The following DNM2 variants were observed in gnomAD, a reference collection of about 807,000 sequenced individuals.
The protein encoded by DNM2 is dynamin 2, also known as dynamin-2.
A neutral mutation model predicts 99.0 loss-of-function variants in DNM2; 15 were observed. That is an observed-to-expected ratio of 0.15 (90% CI 0.10 to 0.23). The LOEUF (loss-of-function observed/expected upper bound fraction) is 0.23, where lower values mean the gene tolerates loss of function less well. Ranked by LOEUF, DNM2 falls within the 10% of genes least tolerant of loss-of-function variation. The pLI, the probability that DNM2 is intolerant of heterozygous loss-of-function variation, is 1.00. For missense variants in DNM2, 742 were observed against 1,189.4 expected, an observed-to-expected ratio of 0.62 and a Z score of 5.53; for synonymous variants, 525 against 481.2, an observed-to-expected ratio of 1.09 and a Z score of -1.19.
chr19:10,732,397 G>A (rs1429588667), intron 1 of DNM2, among the ~76,000 whole-genome samples: 1 of 149,780 alleles, frequency 6.7e-6, no homozygotes, highest in Non-Finnish European at 1.5e-5. Context: ...TCAGGAGATT[G>A]AGACCATCCT....
chr19:10,754,561 A>C (rs898820649), intron 1 of DNM2, among the ~76,000 whole-genome samples: 1 of 151,284 alleles, frequency 6.6e-6, no homozygotes, highest in East Asian at 1.9e-4. Flanking sequence ...AATCGCATAA[A>C]TCTTAAACAT....
At chr19:10,797,640 A>T in intron 10 of DNM2, 122 bp downstream of exon 10, 1 of 1,483,428 alleles carries the variant, frequency 6.7e-7, no homozygotes, top group South Asian at 1.2e-5. Flanking sequence ...ACCAGTTGTC[A>T]CTTAGAGATG....
At chr19:10,743,843 C>A (rs184432990) in intron 1 of DNM2, among the ~76,000 whole-genome samples, 11,830 of 139,372 alleles carry the variant, frequency 0.085, 929 homozygotes, top group East Asian at 0.34. Context: ...AAAAATTAGC[C>A]GTGTGTGGTG....
intron 1 of DNM2, among the ~76,000 whole-genome samples, chr19:10,723,557 C>T (rs1390108204): frequency 2.6e-5 from 4 of 152,054 alleles, no homozygotes; most frequent in African/African-American, 7.2e-5. Context: ...TGTAAGCCAC[C>T]GCGCCCAGCC....
chr19:10,821,928 A>G (rs1223009185), intron 16 of DNM2, among the ~76,000 whole-genome samples: 3 of 152,184 alleles, frequency 2.0e-5, no homozygotes, highest in Non-Finnish European at 4.4e-5. Context: ...AGGAGGAGCT[A>G]CAAGGGCATG....
intron 18 of DNM2, among the ~76,000 whole-genome samples, chr19:10,827,626 C>T (rs1402715329): frequency 6.6e-6 from 1 of 151,672 alleles, no homozygotes; most frequent in African/African-American, 2.4e-5. Context: ...AATCCCAGCA[C>T]TTTGGGAGGC....
intron 13 of DNM2, among the ~76,000 whole-genome samples, chr19:10,807,374 G>A (rs1344302388): frequency 1.3e-5 from 2 of 151,742 alleles, no homozygotes; most frequent in Admixed American, 1.3e-4. Context: ...TGAGTAGCTG[G>A]GATTACAGGC....
chr19:10,770,197 C>A (rs950595800), intron 2 of DNM2, among the ~76,000 whole-genome samples: 1 of 152,242 alleles, frequency 6.6e-6, no homozygotes, highest in Non-Finnish European at 1.5e-5. Context: ...AGATTCTAGA[C>A]CTGGCTGGGT....
chr19:10,826,099 T>C (rs1010010318), intron 18 of DNM2, among the ~76,000 whole-genome samples: 1 of 152,060 alleles, frequency 6.6e-6, no homozygotes, highest in African/African-American at 2.4e-5. Flanking sequence ...TGCACGGCCA[T>C]CCTCTTTGGG....
At position 10,768,280 on chromosome 19, in the gene DNM2, T is replaced by C. The variant is rs184027746; in HGVS notation, c.236-4199T>C. ...CATCCTGGCTAACACGGTGAAACCA[T>C]GTCTCCACTAAAAATACAAAAAAAT... is the stretch of plus-strand genomic sequence containing the variant. On this transcript the variant is annotated intron_variant, in intron 2 of 20. Coordinates refer to ENST00000389253, the MANE Select transcript of DNM2 (RefSeq NM_001005361.3). 3.2e-3 allele frequency among the ~76,000 whole-genome samples: 490 copies of C among 151,966 alleles called. 1 individual carries two copies. The highest frequency in any genetic ancestry group is 0.011 in the African/African-American group (472 of 41,466).
At chr19:10,802,258 G>A (rs1228978029) in intron 11 of DNM2, 30 bp from the exon 12 acceptor site, 1 of 1,613,774 alleles carries the variant, frequency 6.2e-7, no homozygotes, top group South Asian at 1.1e-5. Flanking sequence ...GCTTGGCCTT[G>A]TACTCACAGT....
At chr19:10,791,418 A>C (rs893530689) in intron 7 of DNM2, among the ~76,000 whole-genome samples, 2 of 152,150 alleles carry the variant, frequency 1.3e-5, no homozygotes, top group African/African-American at 4.8e-5. Flanking sequence ...GACACCAGTT[A>C]TATTGGCTAT....
chr19:10,736,880 G>T (rs913782088), intron 1 of DNM2, among the ~76,000 whole-genome samples: 2 of 152,146 alleles, frequency 1.3e-5, no homozygotes, highest in Admixed American at 1.3e-4. Flanking sequence ...GGGCGCCGTG[G>T]CTTACGCTGT....
At chr19:10,753,844 A>G (rs1262170289) in intron 1 of DNM2, among the ~76,000 whole-genome samples, 2 of 151,998 alleles carry the variant, frequency 1.3e-5, no homozygotes, top group East Asian at 3.9e-4. Flanking sequence ...TTTAGTAGAG[A>G]TGGGGTTGCA....
At chr19:10,719,228 G>A (rs2068855720) in intron 1 of DNM2, among the ~76,000 whole-genome samples, 1 of 152,136 alleles carries the variant, frequency 6.6e-6, no homozygotes, top group African/African-American at 2.4e-5. Flanking sequence ...TCTGGAAAGG[G>A]GTGGTAGGAG....
chr19:10,761,230 G>A (rs144009124), intron 2 of DNM2, among the ~76,000 whole-genome samples: 8 of 151,988 alleles, frequency 5.3e-5, no homozygotes, highest in Admixed American at 1.3e-4. Flanking sequence ...CTCGTGATCC[G>A]CCCACTTCGG....
intron 2 of DNM2, among the ~76,000 whole-genome samples, chr19:10,762,227 A>G (rs531987174): frequency 8.5e-5 from 13 of 152,214 alleles, no homozygotes; most frequent in Admixed American, 1.3e-4. Context: ...TAGTAGAGAC[A>G]GAGCTTCACC....
intron 1 of DNM2, among the ~76,000 whole-genome samples, chr19:10,753,813 C>G (rs141758065): frequency 6.6e-6 from 1 of 151,870 alleles, no homozygotes; most frequent in African/African-American, 2.4e-5. Flanking sequence ...CCCACCACCA[C>G]GCCTGGCTAA....
In DNM2 at chr19:10,817,385, G is replaced by A. The variant is rs2072785122; in HGVS notation, c.1672-2595G>A. The A allele has an allele frequency of 2.1e-6, 1 of 486,944 alleles. No homozygotes were observed. The allele number at this position is 486,944 out of a possible 1,614,324, so 30.2% of individuals were successfully genotyped here. ...GAAAATGACACTCACCTGCCGGCGA[G>A]TTTGGGGGGCCTGTCTCGACGAGCC... On this transcript the variant is annotated intron_variant, in intron 15 of 20. Transcript: ENST00000389253. The surrounding 1 kb of genome is among the most constrained non-coding windows in gnomAD (Gnocchi z 4.6).
Sources: gnomAD v4.1 joint callset for allele counts (sites outside exome capture counted in the v4.1 genomes callset) on GRCh38, gnomAD v4.1.1 for gene constraint, Gnocchi (gnomAD v3.1) non-coding constraint, MANE v1.5 for transcripts, NCBI Gene and HGNC (gene_info 2026-07-23, HGNC 2026-07-21) for gene names.